The following EPB41 variants were observed in gnomAD, a reference collection of about 807,000 sequenced individuals.
The protein encoded by EPB41 is protein 4.1.
In EPB41, 65 loss-of-function variants were observed where a neutral mutation model predicts 108.0. The observed-to-expected ratio is 0.60, with a 90% CI of 0.49 to 0.74. The LOEUF (loss-of-function observed/expected upper bound fraction) is 0.74, where lower values mean the gene tolerates loss of function less well. Ranked by LOEUF, EPB41 falls within the 30% of genes least tolerant of loss-of-function variation. The pLI, the probability that EPB41 is intolerant of heterozygous loss-of-function variation, is 0.00. For synonymous variants in EPB41, 336 were observed against 358.9 expected (o/e 0.94, Z 0.72); for missense variants, 875 against 1,037.0 (o/e 0.84, Z 2.15).
intron 11 of EPB41, among the ~76,000 whole-genome samples, chr1:29,051,606 AAG>A (rs1644525897): frequency 6.6e-6 from 1 of 152,086 alleles, no homozygotes; most frequent in African/African-American, 2.4e-5. Context: ...ATTAAAATAT[AAG>A]AGTCTTGGCT....
At chr1:28,999,460 C>T (rs992462333) in intron 4 of EPB41, among the ~76,000 whole-genome samples, 1 of 151,956 alleles carries the variant, frequency 6.6e-6, no homozygotes, top group Non-Finnish European at 1.5e-5. Context: ...TTTTGATTCC[C>T]AGAAATTGAA....
chr1:28,991,740 A>T (rs1032202447), intron 2 of EPB41, among the ~76,000 whole-genome samples: 12 of 150,110 alleles, frequency 8.0e-5, no homozygotes, highest in African/African-American at 2.9e-4. Context: ...CAAATCGTGG[A>T]TTCTGAAGCC....
upstream of EPB41, chr1:28,911,233 C>T (rs2092242219): frequency 1.1e-6 from 1 of 935,232 alleles, no homozygotes; most frequent in Non-Finnish European, 1.3e-6. Context: ...TCTAAAATAA[C>T]AAAAATTCCT....
intron 1 of EPB41, among the ~76,000 whole-genome samples, chr1:28,964,593 T>G (rs1035221095): frequency 6.6e-6 from 1 of 151,998 alleles, no homozygotes; most frequent in African/African-American, 2.4e-5. Context: ...AGAGTGAGAG[T>G]GAGACTCTGT....
chr1:29,087,112 T>G (rs1253497910), intron 16 of EPB41, among the ~76,000 whole-genome samples: 2 of 151,750 alleles, frequency 1.3e-5, no homozygotes, highest in African/African-American at 2.4e-5. Flanking sequence ...CGGCTAATTT[T>G]TTGGAGTTTT....
At chr1:29,096,709 C>A in intron 16 of EPB41, 1 of 534,850 alleles carries the variant, frequency 1.9e-6, no homozygotes, top group Non-Finnish European at 2.4e-6. Flanking sequence ...TAGTGGCCTC[C>A]CTGCTGTTTT....
intron 1 of EPB41, among the ~76,000 whole-genome samples, chr1:28,977,759 G>A (rs555845004): frequency 4.6e-5 from 7 of 152,044 alleles, no homozygotes; most frequent in Non-Finnish European, 1.0e-4. Context: ...TTTGTAACAC[G>A]AGGAACATGA....
In EPB41 at chr1:28,921,961, T is replaced by TATATATATATAC. The variant is rs770764638; in HGVS notation, c.-8+7194_-8+7195insTATATATATACA. On this transcript the variant is annotated intron_variant, in intron 1 of 20. Transcript: ENST00000343067. ...TTTTATATATATATATATATATATATACACTTTTTTTTTGTTTTTTTTTTT... is the reference window on the plus strand; with the variant it reads ...TTTTATATATATATATATATATATATATATATATATACACACTTTTTTTTTGTTTTTTTTTTT... 7.6e-3 allele frequency among the ~76,000 whole-genome samples: 835 copies of TATATATATATAC among 109,802 alleles called. 10 individuals are homozygous for TATATATATATAC. Among genetic ancestry groups the TATATATATATAC allele is most frequent in the Middle Eastern group, 0.039 (8 of 206 alleles). 72.0% of individuals were successfully genotyped at this position (109,802 alleles called of 152,430 possible).
In EPB41 at chr1:29,039,219, A is replaced by G. The variant is rs1640595186; in HGVS notation, c.1464-35A>G. 4.4e-6 allele frequency: 7 copies of G among 1,591,094 alleles called. No homozygotes were observed. The East Asian group carries it at 9.0e-5, about 20-fold the overall frequency. ...ACAGTTTTAGAATAATAAGATGAAT[A>G]TATAATAATATGACTATTACGATTT... On this transcript the variant is annotated intron_variant, in intron 10 of 20. Coordinates refer to ENST00000343067, the MANE Select transcript of EPB41 (RefSeq NM_001376013.1).
chr1:28,911,935 C>A (rs915929498), upstream of EPB41, among the ~76,000 whole-genome samples: 1 of 151,976 alleles, frequency 6.6e-6, no homozygotes, highest in Non-Finnish European at 1.5e-5. Context: ...CAGCTACTCA[C>A]GAGGCTGAGG....
intron 17 of EPB41, among the ~76,000 whole-genome samples, chr1:29,103,574 T>G (rs1666151897): frequency 1.3e-5 from 2 of 152,244 alleles, no homozygotes; most frequent in Admixed American, 6.5e-5. Flanking sequence ...GTAGCTATTA[T>G]TATATTGCGT....
intron 2 of EPB41, chr1:28,989,314 C>G: frequency 1.2e-5 from 10 of 827,584 alleles, no homozygotes; most frequent in Non-Finnish European, 1.5e-5. Flanking sequence ...AACATTAGTA[C>G]TGTAACTCAG....
chr1:29,044,230 G>T (rs1374359461), intron 11 of EPB41, among the ~76,000 whole-genome samples: 2 of 152,178 alleles, frequency 1.3e-5, no homozygotes, highest in Non-Finnish European at 2.9e-5. Flanking sequence ...TAAGTGACTT[G>T]TTCAGCATCT....
rs1163151785 is a variant in EPB41, at chr1:29,118,051, C to T, written c.*1239C>T. The T allele has an allele frequency of 6.6e-6, 1 of 152,120 alleles. No homozygotes were observed. The highest frequency in any genetic ancestry group is 1.5e-5 in the Non-Finnish European group (1 of 68,056). 9.4% of individuals were successfully genotyped at this position (152,120 alleles called of 1,614,324 possible). A position where few individuals can be genotyped will look rare whatever the true frequency, so the allele number is the denominator to read the frequency against. On this transcript the variant is annotated 3_prime_UTR_variant, in exon 21 of 21. Transcript: ENST00000343067. ...TTTGGGGCTTAGTTTTCCTTTTTTT[C>T]ATTTTGATTTTTGAAAGTGAAGATG...
chr1:28,898,111 G>A (rs1218548480), intron 1 of EPB41, among the ~76,000 whole-genome samples: 1 of 152,178 alleles, frequency 6.6e-6, no homozygotes, highest in Non-Finnish European at 1.5e-5. Flanking sequence ...TGTCGTTGGT[G>A]TGGCTGGAGC....
chr1:28,903,969 C>T (rs1012926696), intron 1 of EPB41, among the ~76,000 whole-genome samples: 4 of 151,652 alleles, frequency 2.6e-5, no homozygotes, highest in African/African-American at 2.4e-5. Flanking sequence ...CGGGTTCAAG[C>T]GATTCTCCTG....
chr1:28,995,466 G>A (rs1388669140), intron 3 of EPB41, among the ~76,000 whole-genome samples: 1 of 152,132 alleles, frequency 6.6e-6, no homozygotes, highest in Non-Finnish European at 1.5e-5. Flanking sequence ...GGAGGCTGAG[G>A]CAGGAGAATC....
At chr1:28,922,651 T>G (rs1172247403) in intron 1 of EPB41, among the ~76,000 whole-genome samples, 4 of 147,592 alleles carry the variant, frequency 2.7e-5, no homozygotes, top group Non-Finnish European at 6.0e-5. Flanking sequence ...TTTTCGAGAT[T>G]GAGTCTCACT....
intron 17 of EPB41, among the ~76,000 whole-genome samples, chr1:29,099,815 G>GT (rs1664631052): frequency 6.6e-6 from 1 of 152,170 alleles, no homozygotes; most frequent in African/African-American, 2.4e-5. Context: ...AATGTACAAG[G>GT]TATACATAGT....
Sources: gnomAD v4.1 joint callset for allele counts (sites outside exome capture counted in the v4.1 genomes callset) on GRCh38, gnomAD v4.1.1 for gene constraint, MANE v1.5 for transcripts, NCBI Gene and HGNC (gene_info 2026-07-23, HGNC 2026-07-21) for gene names.